Variants in RNF43 observed in about 807,000 individuals in gnomAD.
The protein encoded by RNF43 is E3 ubiquitin-protein ligase RNF43.
RNF43 carries 37 observed loss-of-function variants against 78.4 expected under a neutral mutation model. The observed-to-expected ratio is 0.47, with a 90% CI of 0.36 to 0.62. The LOEUF (loss-of-function observed/expected upper bound fraction) is 0.62, where lower values mean the gene tolerates loss of function less well. Ranked by LOEUF, RNF43 falls within the 20% of genes least tolerant of loss-of-function variation. RNF43 has a pLI of 0.00. For synonymous variants in RNF43, 347 were observed against 395.0 expected (o/e 0.88, Z 1.44); for missense variants, 774 against 1,007.9 (o/e 0.77, Z 3.14).
intron 2 of RNF43, among the ~76,000 whole-genome samples, chr17:58,390,146 G>T (rs1973520381): frequency 1.3e-5 from 2 of 152,242 alleles, no homozygotes; most frequent in Admixed American, 1.3e-4. Flanking sequence ...AATGTGGAAG[G>T]TGGGAACGAG....
intron 2 of RNF43, among the ~76,000 whole-genome samples, chr17:58,393,593 C>T (rs1362326653): frequency 6.6e-6 from 1 of 152,136 alleles, no homozygotes; most frequent in Non-Finnish European, 1.5e-5. Flanking sequence ...TTTTGACGTG[C>T]AGGAAGTCAG....
chr17:58,358,091 A>C lies in RNF43; in HGVS notation c.1685T>G (p.Phe562Cys), dbSNP rs766948615. The C allele has an allele frequency of 1.6e-5, 26 of 1,608,738 alleles. No individual in the cohort carries two copies. The highest frequency in any genetic ancestry group is 2.2e-5 in the Non-Finnish European group (26 of 1,177,372). ...GCCAGGCTTCCTGCCATGCCACTGGAACCGCTTTTTGTAGTGGTGGTGCCG... is the reference window on the plus strand; with the variant it reads ...GCCAGGCTTCCTGCCATGCCACTGGCACCGCTTTTTGTAGTGGTGGTGCCG... Reference protein sequence around the residue: ...RHRHHHYKKRFQWHGRKPGPE... With the variant: ...RHRHHHYKKRCQWHGRKPGPE... The change falls in exon 9 of 10, where the codon TTC becomes TGC. Residue 562 changes from phenylalanine to cysteine, a missense_variant. Transcript: ENST00000407977. The surrounding 1 kb of genome is among the most constrained non-coding windows in gnomAD (Gnocchi z 6.2).
chr17:58,362,617 A>G lies in RNF43; in HGVS notation c.614T>C (p.Val205Ala). The G allele has an allele frequency of 6.2e-7, 1 of 1,611,582 alleles. No homozygotes were observed. Among genetic ancestry groups the G allele is most frequent in the East Asian group, 2.2e-5 (1 of 44,586 alleles). ...GATGATCACAAAGATGGTGCCCACC[A>G]CTGTCATTAGGATCCACACATCATA... ...PDYDVWILMTVVGTIFVIILA... is the reference protein window; with the variant it reads ...PDYDVWILMTAVGTIFVIILA... Residue 205 changes from valine to alanine, a missense_variant, in exon 6 of 10, where the codon GTG (valine) becomes GCG (alanine). Val to Ala is a moderately conservative substitution (Grantham distance 64). Coordinates refer to ENST00000407977, the MANE Select transcript of RNF43 (RefSeq NM_017763.6).
intron 2 of RNF43, among the ~76,000 whole-genome samples, chr17:58,390,194 T>C (rs920206503): frequency 3.3e-5 from 5 of 152,054 alleles, no homozygotes; most frequent in Non-Finnish European, 7.4e-5. Context: ...GGGAATGAAA[T>C]GGTGCCCCGA....
intron 9 of RNF43, among the ~76,000 whole-genome samples, chr17:58,355,192 C>G (rs1972663101): frequency 6.6e-6 from 1 of 152,190 alleles, no homozygotes; most frequent in African/African-American, 2.4e-5. Flanking sequence ...ATATATATAG[C>G]AACCAGTGTG....
chr17:58,402,012 G>A (rs528408562), intron 2 of RNF43, among the ~76,000 whole-genome samples: 20 of 152,164 alleles, frequency 1.3e-4, no homozygotes, highest in African/African-American at 4.3e-4. Flanking sequence ...TGAAAGAGAC[G>A]GTCTTTCTCT....
rs750381274 is a variant in RNF43 at position 58,358,015 on chromosome 17, G to A, written c.1761C>T (p.Pro587=). 42 of 1,596,502 alleles carry A rather than the reference G, an allele frequency of 2.6e-5. No homozygotes were observed. The highest frequency in any genetic ancestry group is 3.4e-5 in the Non-Finnish European group (40 of 1,172,078). Residue 587 remains proline, a synonymous_variant, in exon 9 of 10, where the codon CCC becomes CCT. Coordinates refer to ENST00000407977, the MANE Select transcript of RNF43 (RefSeq NM_017763.6). This position sits in a 1 kb window ranked among gnomAD's most constrained non-coding sequence, Gnocchi z 6.2. ...QSRPPIPRTQ[P]QPEPPSPDQQ... is the part of the protein sequence containing the mutation. ...GATCAGGAGAAGGTGGCTCTGGCTG[G>A]GGCTGTGTCCGAGGAATAGGAGGCC...
intron 2 of RNF43, among the ~76,000 whole-genome samples, chr17:58,388,391 G>A (rs1297320611): frequency 6.6e-6 from 1 of 152,096 alleles, no homozygotes; most frequent in East Asian, 1.9e-4. Flanking sequence ...TTTGTGACAC[G>A]GCATATCAAT....
rs765198255 is a variant in RNF43 at position 58,358,404 on chromosome 17, G to C, written c.1372C>G (p.Leu458Val). 1.2e-6 allele frequency: 2 copies of C among 1,613,982 alleles called. No homozygotes were observed. The highest frequency in any genetic ancestry group is 1.7e-6 in the Non-Finnish European group (2 of 1,180,016). The stretch of plus-strand genomic sequence containing the variant: ...GAGTCACTGGCTGGCCCATCTGCCA[G>C]GTACCCACTGCGTTCTGTGCAATAG... The part of the protein sequence containing the change: ...ESYCTERSGY[L>V]ADGPASDSSS... Residue 458 changes from leucine (L) to valine (V), a missense_variant, in exon 9 of 10, where the codon CTG (leucine) becomes GTG (valine). Transcript: ENST00000407977. This position sits in a 1 kb window ranked among gnomAD's most constrained non-coding sequence, Gnocchi z 6.2.
At chr17:58,364,929 G>A (rs1483786960) in intron 3 of RNF43, among the ~76,000 whole-genome samples, 1 of 152,188 alleles carries the variant, frequency 6.6e-6, no homozygotes, top group African/African-American at 2.4e-5. Context: ...CAGCAGCAAG[G>A]CCCAGGGGGC....
At position 58,415,642 on chromosome 17, in the gene RNF43, G is replaced by C; in HGVS notation, c.-65C>G. 5 of 1,556,910 alleles carry C rather than the reference G, an allele frequency of 3.2e-6. No individual in the cohort carries two copies. The highest frequency in any genetic ancestry group is 4.4e-6 in the Non-Finnish European group (5 of 1,147,954). On this transcript the variant is annotated 5_prime_UTR_variant, in exon 2 of 10. Coordinates refer to ENST00000407977, the MANE Select transcript of RNF43 (RefSeq NM_017763.6). ...CTTCCACTAGCTAATACCAAATGCA[G>C]GTTCTCAGATCCAGACAAATGGAGG...
chr17:58,354,620 AC>A lies in RNF43; in HGVS notation c.*322del. 1 of 436,992 alleles carries A rather than the reference AC, an allele frequency of 2.3e-6. No individual in the cohort carries two copies. The highest frequency in any genetic ancestry group is 4.3e-6 in the Non-Finnish European group (1 of 233,186). The allele number at this position is 436,992 out of a possible 1,614,324, so 27.1% of individuals were successfully genotyped here. A position where few individuals can be genotyped will look rare whatever the true frequency, so the allele number is the denominator to read the frequency against. ...AGCAGCACCTTTGTAACACCTGGCT[AC>A]CCATAGCTAGCTTTCTGCCCTCAAA... On this transcript the variant is annotated 3_prime_UTR_variant, in exon 10 of 10. Coordinates refer to ENST00000407977, the MANE Select transcript of RNF43 (RefSeq NM_017763.6).
At chr17:58,368,480 G>T (rs1973001643) in intron 3 of RNF43, among the ~76,000 whole-genome samples, 1 of 152,072 alleles carries the variant, frequency 6.6e-6, no homozygotes, top group African/African-American at 2.4e-5. Context: ...CCTGGAGGCG[G>T]AGGTTGCAGT....
At chr17:58,410,310 A>C (rs1248609780) in intron 2 of RNF43, among the ~76,000 whole-genome samples, 1 of 152,242 alleles carries the variant, frequency 6.6e-6, no homozygotes, top group African/African-American at 2.4e-5. Context: ...GGCCAAGTCT[A>C]GAATAGAAGA....
intron 9 of RNF43, among the ~76,000 whole-genome samples, chr17:58,356,706 G>T (rs1972690360): frequency 6.6e-6 from 1 of 151,656 alleles, no homozygotes; most frequent in African/African-American, 2.4e-5. Flanking sequence ...TTCTTATATA[G>T]CCTCGTATTA....
rs1181142513 is a variant in RNF43 at position 58,360,999 on chromosome 17, C to G, written c.688-55G>C. On this transcript the variant is annotated intron_variant, in intron 6 of 9. Coordinates refer to ENST00000407977, the MANE Select transcript of RNF43 (RefSeq NM_017763.6). The surrounding 1 kb of genome is among the most constrained non-coding windows in gnomAD (Gnocchi z 4.3). ...GCATGGGCTCCCCTTCCCTCCCTCT[C>G]TGGACCCAAGCTTGGACTCCGTTCC... The G allele has an allele frequency of 6.7e-7, 1 of 1,486,378 alleles. No individual in the cohort carries two copies. Among genetic ancestry groups the G allele is most frequent in the Non-Finnish European group, 9.0e-7 (1 of 1,114,376 alleles). The allele number at this position is 1,486,378 out of a possible 1,614,324, so 92.1% of individuals were successfully genotyped here.
intron 2 of RNF43, among the ~76,000 whole-genome samples, chr17:58,414,845 C>T (rs1268673516): frequency 6.6e-6 from 1 of 152,140 alleles, no homozygotes; most frequent in East Asian, 1.9e-4. Context: ...CCAGCCATAG[C>T]ATTCAAGCTT....
chr17:58,376,441 CATT>C (rs931133649), intron 2 of RNF43, among the ~76,000 whole-genome samples: 10 of 152,222 alleles, frequency 6.6e-5, no homozygotes, highest in African/African-American at 1.7e-4. Flanking sequence ...CAATCATACT[CATT>C]ATACTTTTGT....
At chr17:58,412,391 C>T (rs1166392769) in intron 2 of RNF43, among the ~76,000 whole-genome samples, 1 of 152,110 alleles carries the variant, frequency 6.6e-6, no homozygotes, top group Non-Finnish European at 1.5e-5. Context: ...ACCATTTCCT[C>T]TTCTATTTTG....
Sources: gnomAD v4.1 joint callset for allele counts (sites outside exome capture counted in the v4.1 genomes callset) on GRCh38, gnomAD v4.1.1 for gene constraint, Gnocchi (gnomAD v3.1) non-coding constraint, MANE v1.5 for transcripts, NCBI Gene and HGNC (gene_info 2026-07-23, HGNC 2026-07-21) for gene names.